The following PRIM2 variants were observed in gnomAD, a reference collection of about 807,000 sequenced individuals.
The protein encoded by PRIM2 is DNA primase subunit 2.
A neutral mutation model predicts 67.3 loss-of-function variants in PRIM2; 39 were observed. The observed-to-expected ratio is 0.58, with a 90% CI of 0.45 to 0.76. PRIM2 has a LOEUF of 0.76. PRIM2 is among the 30% of genes least tolerant of loss of function. The pLI is 0.00. For missense variants in PRIM2, 398 were observed against 598.7 expected (o/e 0.66, Z 3.50); for synonymous variants, 143 against 198.7 (o/e 0.72, Z 2.36).
At chr6:57,321,630 G>A (rs749208477) in intron 3 of PRIM2, among the ~76,000 whole-genome samples, 10 of 152,052 alleles carry the variant, frequency 6.6e-5, no homozygotes, top group Admixed American at 2.0e-4. Flanking sequence ...AAGCCAAGGA[G>A]GGCTAGAGTT....
the PRIM2 span, among the ~76,000 whole-genome samples, chr6:57,271,781 T>C: frequency 2.0e-5 from 3 of 152,106 alleles, no homozygotes; most frequent in African/African-American, 4.8e-5. Context: ...ATAAATTTCC[T>C]TCTACACACT....
intron 5 of PRIM2, among the ~76,000 whole-genome samples, chr6:57,347,390 A>G (rs898895619): frequency 6.6e-6 from 1 of 152,236 alleles, no homozygotes; most frequent in Non-Finnish European, 1.5e-5. Flanking sequence ...TAACATTTGT[A>G]ATGTGTTTGT....
At chr6:57,430,449 T>C (rs74293851) in intron 7 of PRIM2, among the ~76,000 whole-genome samples, 1 of 22,854 alleles carries the variant, frequency 4.4e-5, no homozygotes, top group Non-Finnish European at 8.4e-5. Flanking sequence ...CTTTCTTTGT[T>C]TTTTTTTTTT....
chr6:57,230,864 G>A, the PRIM2 span, among the ~76,000 whole-genome samples: 1 of 152,132 alleles, frequency 6.6e-6, no homozygotes, highest in Non-Finnish European at 1.5e-5. Flanking sequence ...GGTTATGGAG[G>A]TTGGTGTTCA....
At chr6:57,428,387 T>C (rs1446116292) in intron 7 of PRIM2, among the ~76,000 whole-genome samples, 2 of 152,252 alleles carry the variant, frequency 1.3e-5, no homozygotes, top group Non-Finnish European at 2.9e-5. Context: ...GTGAAATTGC[T>C]GTTAAGATCC....
At chr6:57,526,436 G>C (rs1774754603) in intron 8 of PRIM2, among the ~76,000 whole-genome samples, 1 of 152,100 alleles carries the variant, frequency 6.6e-6, no homozygotes, top group African/African-American at 2.4e-5. Flanking sequence ...TTTTAAACTT[G>C]TGGAAAATTA....
chr6:57,573,973 TGTA>T (rs1775914826), intron 10 of PRIM2, among the ~76,000 whole-genome samples: 1 of 151,782 alleles, frequency 6.6e-6, no homozygotes, highest in South Asian at 2.1e-4. Flanking sequence ...AAATGATAAC[TGTA>T]GTAGTGAGGC....
chr6:57,583,885 C>T (rs1321720286), intron 10 of PRIM2, among the ~76,000 whole-genome samples: 1 of 152,296 alleles, frequency 6.6e-6, no homozygotes, highest in Non-Finnish European at 1.5e-5. Flanking sequence ...ATCCACTTGA[C>T]TTCTGGAAAC....
the PRIM2 span, among the ~76,000 whole-genome samples, chr6:57,281,946 T>G: frequency 6.6e-6 from 1 of 152,224 alleles, no homozygotes. Context: ...AAATGATTTA[T>G]GCTCAATTCT....
chr6:57,292,286 C>A, the PRIM2 span, among the ~76,000 whole-genome samples: 2 of 152,108 alleles, frequency 1.3e-5, no homozygotes, highest in Non-Finnish European at 2.9e-5. Flanking sequence ...ATACAACTTA[C>A]AAGGGATGTG....
chr6:57,344,541 CAG>C (rs1465667547), intron 5 of PRIM2, among the ~76,000 whole-genome samples: 1 of 152,152 alleles, frequency 6.6e-6, no homozygotes, highest in African/African-American at 2.4e-5. Context: ...GGCATTAACA[CAG>C]GGCTTCCTTT....
chr6:57,395,951 A>G (rs1770502593), intron 7 of PRIM2, among the ~76,000 whole-genome samples: 1 of 152,084 alleles, frequency 6.6e-6, no homozygotes, highest in Non-Finnish European at 1.5e-5. Flanking sequence ...ATTTCTATGT[A>G]TTTGCATGAT....
At chr6:57,258,241 G>T in the PRIM2 span, among the ~76,000 whole-genome samples, 259 of 152,260 alleles carry the variant, frequency 1.7e-3, 2 homozygotes, top group African/African-American at 5.9e-3. Context: ...AAGATTTTCA[G>T]TCGCAACTCC....
At chr6:57,390,511 A>C (rs1196943318) in intron 7 of PRIM2, among the ~76,000 whole-genome samples, 4 of 152,030 alleles carry the variant, frequency 2.6e-5, no homozygotes, top group Non-Finnish European at 5.9e-5. Context: ...AGTACCCAAT[A>C]GTTACCTTTT....
chr6:57,503,610 A>G (rs1269349267), intron 7 of PRIM2, among the ~76,000 whole-genome samples: 1 of 152,106 alleles, frequency 6.6e-6, no homozygotes, highest in Non-Finnish European at 1.5e-5. Context: ...TTAGCTGGGC[A>G]TGGTGGCACA....
chr6:57,240,884 T>A, the PRIM2 span, among the ~76,000 whole-genome samples: 6 of 151,504 alleles, frequency 4.0e-5, no homozygotes, highest in African/African-American at 1.5e-4. Flanking sequence ...AACCCAGAAG[T>A]TCAAGACCAG....
chr6:57,340,351 A>G (rs556751713), intron 5 of PRIM2, among the ~76,000 whole-genome samples: 2 of 152,174 alleles, frequency 1.3e-5, no homozygotes, highest in East Asian at 3.8e-4. Flanking sequence ...CCATCCCATT[A>G]CTGGGTATAT....
At chr6:57,443,248 T>C (rs1463186388) in intron 7 of PRIM2, among the ~76,000 whole-genome samples, 2 of 152,242 alleles carry the variant, frequency 1.3e-5, no homozygotes, top group East Asian at 3.8e-4. Context: ...TGATTTCAAA[T>C]CTTTTGGGTA....
intron 7 of PRIM2, among the ~76,000 whole-genome samples, chr6:57,440,878 A>G (rs1019552396): frequency 6.6e-6 from 1 of 152,180 alleles, no homozygotes; most frequent in African/African-American, 2.4e-5. Flanking sequence ...TGCCATTTAA[A>G]CAGCAAAATT....
Sources: gnomAD v4.1 joint callset for allele counts (sites outside exome capture counted in the v4.1 genomes callset) on GRCh38, gnomAD v4.1.1 for gene constraint, MANE v1.5 for transcripts, NCBI Gene and HGNC (gene_info 2026-07-23, HGNC 2026-07-21) for gene names.